The following SNX6 variants were observed in gnomAD, a reference collection of about 807,000 sequenced individuals.
SNX6 encodes sorting nexin-6.
SNX6 carries 34 observed loss-of-function variants against 63.0 expected under a neutral mutation model. The ratio of observed to expected loss-of-function variants is 0.54; its 90% CI spans 0.41 to 0.72. SNX6 has a LOEUF of 0.72. SNX6 is among the 30% of genes least tolerant of loss of function. SNX6 has a pLI of 0.00. For synonymous variants in SNX6, 170 were observed against 164.2 expected (o/e 1.04, Z -0.27); for missense variants, 398 against 471.4 (o/e 0.84, Z 1.44).
Position 34,575,781 on chromosome 14 carries a change from T to C in SNX6, c.896A>G (p.Tyr299Cys). Residue 299 changes from tyrosine (Y) to cysteine (C), a missense_variant, in exon 11 of 14, where the codon TAC becomes TGC. Transcript: ENST00000362031. ...CTTAGCAGCTTGAGATTCTCTTAAG[T>C]AATATTTTAAAAGATCAGAAAGTTT... ...DLKLSDLLKY[Y>C]LRESQAAKDL... 6.3e-7 allele frequency: 1 copy of C among 1,592,068 alleles called. No individual in the cohort carries two copies. The highest frequency in any genetic ancestry group is 1.2e-5 in the South Asian group (1 of 86,894).
chr14:34,574,423 G>A (rs183181016), intron 11 of SNX6, among the ~76,000 whole-genome samples: 2 of 151,450 alleles, frequency 1.3e-5, no homozygotes, highest in African/African-American at 4.8e-5. Context: ...GCCAAGGCAT[G>A]CAGATCACCT....
At chr14:34,626,439 C>T (rs185552560) in intron 2 of SNX6, among the ~76,000 whole-genome samples, 46 of 150,556 alleles carry the variant, frequency 3.1e-4, no homozygotes, top group African/African-American at 9.8e-4. Flanking sequence ...CAGATCACAA[C>T]GTCAGGAGAT....
chr14:34,568,985 A>T (rs761439423), intron 11 of SNX6: 3 of 1,454,102 alleles, frequency 2.1e-6, no homozygotes, highest in Admixed American at 1.7e-5. Context: ...TTCTCATCGT[A>T]GGGAGCAAGC....
rs1022879816 is a variant in SNX6 at position 34,589,828 on chromosome 14, GA to G, written c.718+3216del. Among the ~76,000 whole-genome samples, 976 of 146,142 alleles carry G rather than the reference GA, an allele frequency of 6.7e-3. 6 individuals are homozygous for G. The highest frequency in any genetic ancestry group is 0.01 in the Non-Finnish European group (692 of 66,010). ...TAGACAGAGAGAGACTCTGTCTAGG[GA>G]AAAAAAAAAATGGAGTCTGGTGGCT... On this transcript the variant is annotated intron_variant, in intron 8 of 13. Coordinates refer to ENST00000362031, the MANE Select transcript of SNX6 (RefSeq NM_152233.4).
chr14:34,583,311 G>C (rs890211272), intron 9 of SNX6, among the ~76,000 whole-genome samples: 2 of 151,870 alleles, frequency 1.3e-5, no homozygotes, highest in Non-Finnish European at 2.9e-5. Flanking sequence ...TCCGTCTCAA[G>C]AACAACTACA....
chr14:34,603,893 T>G (rs1364490868), intron 5 of SNX6, among the ~76,000 whole-genome samples: 1 of 152,038 alleles, frequency 6.6e-6, no homozygotes, highest in Non-Finnish European at 1.5e-5. Flanking sequence ...TGAGCATATT[T>G]TCAACGTTAA....
intron 5 of SNX6, among the ~76,000 whole-genome samples, chr14:34,605,286 C>G (rs1165570399): frequency 6.6e-6 from 1 of 151,650 alleles, no homozygotes; most frequent in Non-Finnish European, 1.5e-5. Context: ...TCTTTTTCCC[C>G]TTAAGTCCAA....
chr14:34,579,217 A>T (rs7148910), intron 10 of SNX6, among the ~76,000 whole-genome samples: 125,114 of 151,974 alleles, frequency 0.82, 51,607 homozygotes, highest in African/African-American at 0.83. Context: ...TCAGAAGATA[A>T]ACAATAATCT....
At chr14:34,602,469 T>C (rs1882853403) in intron 6 of SNX6, among the ~76,000 whole-genome samples, 1 of 150,920 alleles carries the variant, frequency 6.6e-6, no homozygotes, top group Non-Finnish European at 1.5e-5. Context: ...CATGCGCCTG[T>C]AGTCCCAGCT....
At chr14:34,597,017 TAACATTTCCA>T (rs1286533869) in intron 7 of SNX6, among the ~76,000 whole-genome samples, 1 of 152,218 alleles carries the variant, frequency 6.6e-6, no homozygotes, top group Non-Finnish European at 1.5e-5. Context: ...GGTCTGCCCC[TAACATTTCCA>T]AGGCTAAATG....
intron 10 of SNX6, among the ~76,000 whole-genome samples, chr14:34,576,289 G>A (rs977239669): frequency 2.0e-5 from 3 of 151,774 alleles, no homozygotes; most frequent in African/African-American, 7.3e-5. Context: ...TTAAAAAATT[G>A]AAGTTTTAAC....
chr14:34,582,026 A>G (rs1013362752), intron 9 of SNX6, among the ~76,000 whole-genome samples: 27 of 151,416 alleles, frequency 1.8e-4, no homozygotes, highest in Non-Finnish European at 3.4e-4. Context: ...TCGGGGTTTT[A>G]CCATGTTGGC....
At chr14:34,568,544 C>T in intron 11 of SNX6, 1 of 529,376 alleles carries the variant, frequency 1.9e-6, no homozygotes, top group Non-Finnish European at 3.4e-6. Context: ...CTATGTTGCC[C>T]AGGCAGGTCT....
intron 2 of SNX6, among the ~76,000 whole-genome samples, chr14:34,620,596 C>A (rs1030511418): frequency 1.3e-5 from 2 of 152,142 alleles, no homozygotes; most frequent in Non-Finnish European, 2.9e-5. Flanking sequence ...TCTGACCACT[C>A]CTTTCTTAAA....
intron 2 of SNX6, among the ~76,000 whole-genome samples, chr14:34,626,739 G>A (rs6650487): frequency 0.39 from 59,465 of 150,676 alleles, 13,026 homozygotes; most frequent in East Asian, 0.73. Flanking sequence ...AAATCTTTCT[G>A]AAGGCATAAA....
chr14:34,567,933 A>G lies in SNX6; in HGVS notation c.1002T>C (p.Asn334=). 1 of 1,613,234 alleles carries G rather than the reference A, an allele frequency of 6.2e-7. No homozygotes were observed. The highest frequency in any genetic ancestry group is 8.5e-7 in the Non-Finnish European group (1 of 1,179,978). ...AAGTTTCGGCCTGTAGAACATCTTT[A>G]TTTTTTGCTCTTGCTTTATCCAGTG... The part of the protein sequence containing the change: ...NKALDKARAK[N]KDVLQAETSQ... The change falls in exon 12 of 14, where the codon AAT becomes AAC. Residue 334 remains asparagine, a synonymous_variant. Transcript: ENST00000362031.
chr14:34,574,071 CT>C (rs1341197587), intron 11 of SNX6, among the ~76,000 whole-genome samples: 1 of 151,904 alleles, frequency 6.6e-6, no homozygotes, highest in Non-Finnish European at 1.5e-5. Context: ...GGTGTGGTAG[CT>C]CATGCCTGTA....
At chr14:34,605,794 CTG>C (rs760256773) in intron 4 of SNX6, 77 bp from the exon 5 acceptor site, 7 of 1,513,338 alleles carry the variant, frequency 4.6e-6, no homozygotes, top group Non-Finnish European at 5.3e-6. Context: ...CCATAGAAGA[CTG>C]TGTCTGGGAA....
chr14:34,629,728 C>A lies in SNX6; in HGVS notation c.54+179G>T, dbSNP rs1027816153. On this transcript the variant is annotated intron_variant, in intron 2 of 13. Transcript: ENST00000362031. ...CGGGTCCCCGGGAATCGGAGCCGAG[C>A]GGCCCCTAGGGAGGAAGGGCTGCGG... 6.0e-5 allele frequency: 62 copies of A among 1,026,932 alleles called. No individual in the cohort carries two copies. In the Admixed American group the frequency reaches 1.0e-3, roughly 17 times the overall value. 63.6% of individuals were successfully genotyped at this position (1,026,932 alleles called of 1,614,324 possible).
Sources: gnomAD v4.1 joint callset for allele counts (sites outside exome capture counted in the v4.1 genomes callset) on GRCh38, gnomAD v4.1.1 for gene constraint, MANE v1.5 for transcripts, NCBI Gene and HGNC (gene_info 2026-07-23, HGNC 2026-07-21) for gene names.